FOXO3: variants seen among roughly 807,000 people sequenced by gnomAD.
The protein encoded by FOXO3 is forkhead box protein O3.
A neutral mutation model predicts 41.9 loss-of-function variants in FOXO3; 4 were observed. The observed-to-expected ratio is 0.10, with a 90% CI of 0.05 to 0.22. The LOEUF is 0.22. Among genes scored for constraint, FOXO3 ranks in the 10% least tolerant of loss-of-function variants. The pLI, the probability that FOXO3 is intolerant of heterozygous loss-of-function variation, is 1.00. For synonymous variants in FOXO3, 318 were observed against 389.3 expected, an observed-to-expected ratio of 0.82 and a Z score of 2.16; for missense variants, 534 against 906.8, an observed-to-expected ratio of 0.59 and a Z score of 5.28.
chr6:108,647,839 C>G (rs1176727642), intron 1 of FOXO3, among the ~76,000 whole-genome samples: 1 of 152,126 alleles, frequency 6.6e-6, no homozygotes, highest in Non-Finnish European at 1.5e-5. Context: ...CATTAATAAG[C>G]TAGAAAATTA....
intron 1 of FOXO3, among the ~76,000 whole-genome samples, chr6:108,605,065 A>G (rs1184124309): frequency 6.6e-6 from 1 of 152,100 alleles, no homozygotes; most frequent in African/African-American, 2.4e-5. Context: ...GTTGAGATAA[A>G]TGAAGTTCAT....
intron 1 of FOXO3, among the ~76,000 whole-genome samples, chr6:108,568,895 A>G (rs1430169274): frequency 2.0e-5 from 3 of 152,192 alleles, no homozygotes; most frequent in Non-Finnish European, 4.4e-5. Flanking sequence ...TACCACAGAA[A>G]CTGAAGGAAG....
intron 1 of FOXO3, among the ~76,000 whole-genome samples, chr6:108,566,129 C>T (rs1211819965): frequency 2.0e-5 from 3 of 152,172 alleles, no homozygotes; most frequent in Non-Finnish European, 4.4e-5. Context: ...TTTTTCAAAG[C>T]TGTGTCATTG....
intron 1 of FOXO3, among the ~76,000 whole-genome samples, chr6:108,645,940 TGTTGA>T (rs767212388): frequency 1.1e-4 from 17 of 152,120 alleles, no homozygotes; most frequent in Non-Finnish European, 2.4e-4. Flanking sequence ...AAAATAGAAT[TGTTGA>T]GTTATCAGGT....
upstream of FOXO3, chr6:108,560,807 C>T (rs1582719515): frequency 2.5e-6 from 1 of 405,384 alleles, no homozygotes; most frequent in Non-Finnish European, 4.0e-6. Flanking sequence ...CTTCTCCCCG[C>T]CCCGCCGCCT....
rs372985514 is a variant in FOXO3 at position 108,583,878 on chromosome 6, A to T, written c.621+22049A>T. On this transcript the variant is annotated intron_variant, in intron 1 of 2. Transcript: ENST00000406360. ...TTAAAGGTAAATAAAAATACAGCAC[A>T]TTTTCTGAGTATAATTCTCGTAGAC... is the stretch of plus-strand genomic sequence containing the variant. Among the ~76,000 whole-genome samples the T allele has an allele frequency of 1.1e-4, 17 of 152,334 alleles. 1 individual carries two copies. In the East Asian group the frequency reaches 3.1e-3, roughly 28 times the overall value.
intron 2 of FOXO3, among the ~76,000 whole-genome samples, chr6:108,672,721 C>T (rs1173613959): frequency 6.6e-6 from 1 of 151,800 alleles, no homozygotes; most frequent in African/African-American, 2.4e-5. Flanking sequence ...CTCTCTCCCT[C>T]CCTCTCCCTC....
chr6:108,654,310 A>G (rs923881643), intron 1 of FOXO3, among the ~76,000 whole-genome samples: 3 of 152,202 alleles, frequency 2.0e-5, no homozygotes, highest in Non-Finnish European at 4.4e-5. Context: ...AGAAAAAATA[A>G]TAATAATTAA....
At chr6:108,586,596 G>A (rs1411277115) in intron 1 of FOXO3, among the ~76,000 whole-genome samples, 1 of 152,150 alleles carries the variant, frequency 6.6e-6, no homozygotes, top group African/African-American at 2.4e-5. Flanking sequence ...GTTTCTTTGG[G>A]AAGGTTCTTG....
intron 1 of FOXO3, among the ~76,000 whole-genome samples, chr6:108,565,909 A>G (rs891549954): frequency 6.6e-6 from 1 of 152,110 alleles, no homozygotes; most frequent in Admixed American, 6.5e-5. Context: ...ATCATTCCAC[A>G]TTGGCTCATA....
chr6:108,670,444 T>C (rs1779185980), intron 2 of FOXO3, among the ~76,000 whole-genome samples: 1 of 151,552 alleles, frequency 6.6e-6, no homozygotes, highest in African/African-American at 2.4e-5. Flanking sequence ...TTTCTCGGAA[T>C]ACTAGATCCT....
chr6:108,561,494 G>A lies in FOXO3; in HGVS notation c.286G>A (p.Asp96Asn), dbSNP rs1775785029. The A allele has an allele frequency of 4.7e-6, 7 of 1,477,784 alleles. No individual in the cohort carries two copies. The highest frequency in any genetic ancestry group is 6.3e-6 in the Non-Finnish European group (7 of 1,119,566). 91.5% of individuals were successfully genotyped at this position (1,477,784 alleles called of 1,614,324 possible). A position where few individuals can be genotyped will look rare whatever the true frequency, so the allele number is the denominator to read the frequency against. ...GTLGSGLLLE[D>N]SARVLAPGGQ... is the part of the protein sequence containing the mutation. The stretch of plus-strand genomic sequence containing the variant: ...GCTGGGCTCCGGGCTGCTCCTTGAG[G>A]ACTCGGCCCGGGTGCTGGCACCCGG... The change falls in exon 1 of 3, where the codon GAC becomes AAC. Residue 96 changes from aspartate (D) to asparagine (N), a missense_variant. Asp to Asn is a conservative substitution (Grantham distance 23). Around this residue, in one of 8 missense-constraint regions of FOXO3, gnomAD observed 139 missense variants for 163.7 expected, o/e 0.85. Transcript: ENST00000406360.
In FOXO3 at chr6:108,663,997, C is replaced by T. The variant is rs545732772; in HGVS notation, c.1164C>T (p.Asp388=). Residue 388 remains aspartate, a synonymous_variant, in exon 2 of 3, where the codon GAC becomes GAT. Transcript: ENST00000406360. ...LNDGLTENLM[D]DLLDNITLPP... The stretch of plus-strand genomic sequence containing the variant: ...ATGGGCTGACTGAAAACCTCATGGA[C>T]GACCTGCTGGATAACATCACGCTCC... 1.2e-5 allele frequency: 20 copies of T among 1,614,054 alleles called. No individual in the cohort carries two copies. Among genetic ancestry groups the T allele is most frequent in the African/African-American group, 2.7e-5 (2 of 74,928 alleles).
At position 108,672,072 on chromosome 6, in the gene FOXO3, T is replaced by G. The variant is rs12661885; in HGVS notation, c.*34+7183T>G. 5.5e-4 allele frequency among the ~76,000 whole-genome samples: 84 copies of G among 152,334 alleles called. No homozygotes were observed. The East Asian group carries it at 8.3e-3, about 15-fold the overall frequency. On this transcript the variant is annotated intron_variant, in intron 2 of 2. Transcript: ENST00000406360. ...CCCCACCCTGCTCTTTTCAGCTGCC[T>G]TAGAGCCTCAAGCCTGAGCCTCTCC... is the stretch of plus-strand genomic sequence containing the variant.
rs1348412114 is a variant in FOXO3, at chr6:108,584,233, C to G, written c.621+22404C>G. Among the ~76,000 whole-genome samples, 4 of 152,174 alleles carry G rather than the reference C, an allele frequency of 2.6e-5. No individual in the cohort carries two copies. The East Asian group carries it at 7.7e-4, about 29-fold the overall frequency. On this transcript the variant is annotated intron_variant, in intron 1 of 2. Coordinates refer to ENST00000406360, the MANE Select transcript of FOXO3 (RefSeq NM_001455.4). ...AAGTTGTTTTTCTTGGGAGATGGCA[C>G]TAATCCACCTTGCCTAGAAAGAAGG...
intron 1 of FOXO3, among the ~76,000 whole-genome samples, chr6:108,629,111 G>A (rs1384197329): frequency 6.6e-6 from 1 of 152,146 alleles, no homozygotes; most frequent in Non-Finnish European, 1.5e-5. Context: ...TGTATATTAA[G>A]TGCTTAGCAT....
intron 1 of FOXO3, among the ~76,000 whole-genome samples, chr6:108,574,034 T>A (rs754795636): frequency 1.3e-5 from 2 of 150,876 alleles, no homozygotes; most frequent in Non-Finnish European, 2.9e-5. Context: ...ATGCCTGTAA[T>A]CCCAGCTACT....
At chr6:108,562,406 C>T (rs1775831723) in intron 1 of FOXO3, among the ~76,000 whole-genome samples, 2 of 152,094 alleles carry the variant, frequency 1.3e-5, no homozygotes, top group African/African-American at 4.8e-5. Flanking sequence ...CAAACCTTTT[C>T]CTGGACGGCT....
chr6:108,665,029 G>A (rs1178943383), intron 2 of FOXO3, 140 bp downstream of exon 2: 3 of 954,336 alleles, frequency 3.1e-6, no homozygotes, highest in Admixed American at 5.8e-5. Flanking sequence ...ATGGCTCCCA[G>A]CCAGTTCCAT....
Sources: allele counts gnomAD v4.1 joint callset (sites outside exome capture counted in the v4.1 genomes callset), GRCh38; gene constraint gnomAD v4.1.1; regional missense constraint gnomAD v4.1.1; transcripts MANE v1.5; gene names NCBI Gene and HGNC (gene_info 2026-07-23, HGNC 2026-07-21).